Variants in SNX4 observed in about 807,000 individuals in gnomAD.
SNX4 encodes the protein sorting nexin 4.
In SNX4, 49 loss-of-function variants were observed where a neutral mutation model predicts 70.8. The ratio of observed to expected loss-of-function variants is 0.69; its 90% CI spans 0.55 to 0.88. SNX4 has a LOEUF of 0.88. Ranked by LOEUF, SNX4 falls within the 40% of genes least tolerant of loss-of-function variation. The pLI, the probability that SNX4 is intolerant of heterozygous loss-of-function variation, is 0.00. For missense variants in SNX4, 528 were observed against 544.8 expected (o/e 0.97, Z 0.31); for synonymous variants, 206 against 183.8 (o/e 1.12, Z -0.98).
chr3:125,490,349 T>C (rs2107552734), intron 5 of SNX4, among the ~76,000 whole-genome samples: 1 of 151,300 alleles, frequency 6.6e-6, no homozygotes, highest in East Asian at 2.0e-4. Context: ...GGTGAAACGC[T>C]GTCTCTACTA....
At chr3:125,492,033 G>A (rs1443219462) in intron 5 of SNX4, among the ~76,000 whole-genome samples, 8 of 147,024 alleles carry the variant, frequency 5.4e-5, no homozygotes, top group South Asian at 2.2e-4. Context: ...GCTTGAACCC[G>A]TGAGGCAGAG....
chr3:125,481,478 C>T (rs1028386805), intron 6 of SNX4, among the ~76,000 whole-genome samples: 4 of 140,100 alleles, frequency 2.9e-5, no homozygotes, highest in African/African-American at 1.0e-4. Flanking sequence ...GACAGAGTTT[C>T]ACTCTTGTTG....
intron 9 of SNX4, among the ~76,000 whole-genome samples, chr3:125,467,084 CAAAAAAAAA>C: frequency 1.3e-5 from 1 of 74,562 alleles, no homozygotes; most frequent in Non-Finnish European, 2.9e-5. Context: ...CTCTGTCTTC[CAAAAAAAAA>C]AAAAAAAAAA....
At chr3:125,478,943 G>A (rs558072322) in intron 7 of SNX4, among the ~76,000 whole-genome samples, 14 of 152,190 alleles carry the variant, frequency 9.2e-5, no homozygotes, top group African/African-American at 2.9e-4. Context: ...AATAATTCTC[G>A]CAGGTAACTT....
Position 125,490,316 on chromosome 3 carries a change from C to T in SNX4, c.598-853G>A, listed in dbSNP as rs916151115. On this transcript the variant is annotated intron_variant, in intron 5 of 13. Transcript: ENST00000251775. ...TTGGGAGGCCGAGGCAGGCGGAGCA[C>T]GAGGTCAGGAGATCGAGACCACGGT... Among the ~76,000 whole-genome samples, 30 of 151,594 alleles carry T rather than the reference C, an allele frequency of 2.0e-4. 1 individual carries two copies. Among genetic ancestry groups the T allele is most frequent in the African/African-American group, 4.8e-5 (2 of 41,248 alleles).
At chr3:125,512,484 G>A (rs576157185) in intron 1 of SNX4, among the ~76,000 whole-genome samples, 36 of 152,280 alleles carry the variant, frequency 2.4e-4, no homozygotes, top group Middle Eastern at 6.8e-3. Flanking sequence ...AGGGTTGGTA[G>A]ATGATATAAA....
At chr3:125,451,463 A>AT in intron 12 of SNX4, 44 bp from the exon 13 acceptor site, 1 of 1,415,866 alleles carries the variant, frequency 7.1e-7, no homozygotes, top group Non-Finnish European at 9.9e-7. Context: ...AAGTTAAATA[A>AT]ACTGTGTACT....
At chr3:125,450,729 T>C (rs1014104021) in intron 13 of SNX4, among the ~76,000 whole-genome samples, 5 of 152,240 alleles carry the variant, frequency 3.3e-5, no homozygotes, top group Non-Finnish European at 5.9e-5. Flanking sequence ...TCTTTCACTA[T>C]GGATATCAGC....
intron 6 of SNX4, 148 bp downstream of exon 6, chr3:125,489,260 T>C: frequency 3.3e-6 from 2 of 605,594 alleles, no homozygotes; most frequent in Non-Finnish European, 5.7e-6. Context: ...AATTTCAAAT[T>C]CAGTTTTAGA....
chr3:125,463,755 A>G (rs1933937889), intron 9 of SNX4, among the ~76,000 whole-genome samples: 1 of 152,240 alleles, frequency 6.6e-6, no homozygotes, highest in Admixed American at 6.5e-5. Flanking sequence ...GAAGCTAATT[A>G]ACATATCCAT....
At chr3:125,504,797 C>A (rs1216716126) in intron 1 of SNX4, 53 bp from the exon 2 acceptor site, 7 of 1,570,260 alleles carry the variant, frequency 4.5e-6, no homozygotes, top group African/African-American at 1.4e-5. Flanking sequence ...TAAGATGGTA[C>A]TGAAAAAAGC....
At chr3:125,509,462 C>T (rs559962754) in intron 1 of SNX4, among the ~76,000 whole-genome samples, 1 of 151,642 alleles carries the variant, frequency 6.6e-6, no homozygotes, top group South Asian at 2.1e-4. Context: ...CAAAATACAA[C>T]CCAATTGGGC....
In SNX4 at chr3:125,497,895, A is replaced by G; in HGVS notation, c.488T>C (p.Leu163Ser). 1 of 1,614,186 alleles carries G rather than the reference A, an allele frequency of 6.2e-7. No homozygotes were observed. The highest frequency in any genetic ancestry group is 8.5e-7 in the Non-Finnish European group (1 of 1,179,996). ...RRRIGLENFLLRIASHPILCR... is the reference protein window; with the variant it reads ...RRRIGLENFLSRIASHPILCR... ...AAGGATGGGATGTGAAGCAATCCTCAAGAGAAAGTTTTCTAAACCAATCCG... is the reference window on the plus strand; with the variant it reads ...AAGGATGGGATGTGAAGCAATCCTCGAGAGAAAGTTTTCTAAACCAATCCG... The change falls in exon 4 of 14, where the codon TTG becomes TCG. Residue 163 changes from leucine to serine, a missense_variant. By Grantham distance (145) the Leu-to-Ser change is moderately radical (BLOSUM62 -2). Coordinates refer to ENST00000251775, the MANE Select transcript of SNX4 (RefSeq NM_003794.4).
intron 1 of SNX4, among the ~76,000 whole-genome samples, chr3:125,507,427 T>C (rs541508208): frequency 9.0e-4 from 136 of 151,820 alleles, no homozygotes; most frequent in African/African-American, 2.9e-3. Context: ...CGGACCAACA[T>C]GTGCACTGTG....
intron 6 of SNX4, among the ~76,000 whole-genome samples, chr3:125,484,603 G>C (rs1192148234): frequency 6.6e-6 from 1 of 152,086 alleles, no homozygotes; most frequent in Non-Finnish European, 1.5e-5. Context: ...GCCTGGACAG[G>C]TGCCTCTCCT....
At chr3:125,503,233 G>A (rs1323600622) in intron 2 of SNX4, among the ~76,000 whole-genome samples, 10 of 152,086 alleles carry the variant, frequency 6.6e-5, no homozygotes. Flanking sequence ...AATTTTACCG[G>A]CTATCAACAA....
At chr3:125,502,631 G>A (rs1180433877) in intron 2 of SNX4, among the ~76,000 whole-genome samples, 1 of 151,736 alleles carries the variant, frequency 6.6e-6, no homozygotes, top group Non-Finnish European at 1.5e-5. Context: ...AGCACTTTGG[G>A]AGGCCGAGGT....
intron 8 of SNX4, among the ~76,000 whole-genome samples, chr3:125,475,970 C>A (rs1934280594): frequency 6.6e-6 from 1 of 151,082 alleles, no homozygotes; most frequent in African/African-American, 2.4e-5. Context: ...CAAAGTGAGA[C>A]CCTGTATTAA....
rs977329809 is a variant in SNX4 at position 125,520,101 on chromosome 3, G to A, written c.72C>T (p.Asp24=). 6.6e-7 allele frequency: 1 copy of A among 1,517,016 alleles called. No homozygotes were observed. The highest frequency in any genetic ancestry group is 8.8e-7 in the Non-Finnish European group (1 of 1,136,596). 94.0% of individuals were successfully genotyped at this position (1,517,016 alleles called of 1,614,324 possible). A position where few individuals can be genotyped will look rare whatever the true frequency, so the allele number is the denominator to read the frequency against. The stretch of plus-strand genomic sequence containing the variant: ...TGCCGACCGCAGCCCCCAGCCCAGC[G>A]TCTGGGGAGCCCAGCGGCTCCAAGG... ...PAPLEPLGSP[D]AGLGAAVGKE... Residue 24 remains aspartate, a synonymous_variant, in exon 1 of 14, where the codon GAC becomes GAT. Transcript: ENST00000251775.
Sources: allele counts gnomAD v4.1 joint callset (sites outside exome capture counted in the v4.1 genomes callset), GRCh38; gene constraint gnomAD v4.1.1; transcripts MANE v1.5; gene names NCBI Gene and HGNC (gene_info 2026-07-23, HGNC 2026-07-21).